The following LRMDA variants were observed in gnomAD, a reference collection of about 807,000 sequenced individuals.
The protein encoded by LRMDA is leucine rich melanocyte differentiation associated.
LRMDA carries 18 observed loss-of-function variants against 29.8 expected under a neutral mutation model. The observed-to-expected ratio is 0.60, with a 90% CI of 0.42 to 0.90. The LOEUF (loss-of-function observed/expected upper bound fraction) is 0.90, where lower values mean the gene tolerates loss of function less well. Among genes scored for constraint, LRMDA ranks in the 40% least tolerant of loss-of-function variants. The pLI, the probability that LRMDA is intolerant of heterozygous loss-of-function variation, is 0.00. For synonymous variants in LRMDA, 125 were observed against 109.4 expected, an observed-to-expected ratio of 1.14 and a Z score of -0.89; for missense variants, 273 against 273.9, an observed-to-expected ratio of 1.00 and a Z score of 0.02.
rs575526754 is a variant in LRMDA, at chr10:75,499,185, C to T, written c.131+60691C>T. Among the ~76,000 whole-genome samples, 13 of 152,286 alleles carry T rather than the reference C, an allele frequency of 8.5e-5. No individual in the cohort carries two copies. The East Asian group carries it at 9.7e-4, about 11-fold the overall frequency. ...AGGTGCTGACGCTTCTGTGTTGCAT[C>T]CCAGCTTGCTTGAGATGTGCAGTTT... On this transcript the variant is annotated intron_variant, in intron 2 of 6. Transcript: ENST00000611255.
At chr10:76,367,581 T>G (rs529064004) in intron 6 of LRMDA, among the ~76,000 whole-genome samples, 1 of 151,924 alleles carries the variant, frequency 6.6e-6, no homozygotes, top group Non-Finnish European at 1.5e-5. Flanking sequence ...TGTGCCACCA[T>G]GCCCGGCTAA....
intron 6 of LRMDA, among the ~76,000 whole-genome samples, chr10:76,433,325 A>AC (rs1440120937): frequency 1.3e-5 from 2 of 152,034 alleles, no homozygotes; most frequent in African/African-American, 2.4e-5. Flanking sequence ...CAGACACCAC[A>AC]CCCCCCAAGT....
rs1027044203 is a variant in LRMDA, at chr10:75,964,638, C to T, written c.132-71370C>T. On this transcript the variant is annotated intron_variant, in intron 2 of 6. Coordinates refer to ENST00000611255, the MANE Select transcript of LRMDA (RefSeq NM_001305581.2). ...AGATCTCTGCAGAAGGCGTTACCCCCGTACATGCACAGAGAAGGTTCTCAG... is the reference window on the plus strand; with the variant it reads ...AGATCTCTGCAGAAGGCGTTACCCCTGTACATGCACAGAGAAGGTTCTCAG... Among the ~76,000 whole-genome samples the T allele has an allele frequency of 3.9e-5, 6 of 152,188 alleles. No homozygotes were observed. In the East Asian group the frequency reaches 5.8e-4, roughly 15 times the overall value.
At chr10:76,507,363 A>G (rs779165523) in intron 6 of LRMDA, among the ~76,000 whole-genome samples, 1 of 151,704 alleles carries the variant, frequency 6.6e-6, no homozygotes, top group Non-Finnish European at 1.5e-5. Flanking sequence ...TGGCACATGT[A>G]TAATTTGCAC....
intron 5 of LRMDA, among the ~76,000 whole-genome samples, chr10:76,152,836 C>G (rs942692408): frequency 5.5e-5 from 8 of 145,758 alleles, no homozygotes; most frequent in African/African-American, 2.0e-4. Flanking sequence ...ACTGTCTATT[C>G]ACATTTTTTG....
intron 2 of LRMDA, among the ~76,000 whole-genome samples, chr10:75,694,834 C>T (rs756914547): frequency 7.9e-5 from 12 of 152,144 alleles, no homozygotes; most frequent in Non-Finnish European, 1.0e-4. Flanking sequence ...GTGTGCCAAT[C>T]GATAGTGATT....
chr10:76,311,305 A>G (rs369137179), intron 5 of LRMDA, among the ~76,000 whole-genome samples: 1 of 151,314 alleles, frequency 6.6e-6, no homozygotes, highest in Non-Finnish European at 1.5e-5. Context: ...TTCCTTGCAT[A>G]TTATTCACAC....
At chr10:75,456,495 T>G (rs1366518340) in intron 2 of LRMDA, among the ~76,000 whole-genome samples, 3 of 152,204 alleles carry the variant, frequency 2.0e-5, no homozygotes, top group Non-Finnish European at 4.4e-5. Flanking sequence ...ATTGATTCTG[T>G]GAGTGCCTTA....
chr10:75,989,831 T>C (rs1847334809), intron 2 of LRMDA, among the ~76,000 whole-genome samples: 1 of 152,224 alleles, frequency 6.6e-6, no homozygotes, highest in Admixed American at 6.5e-5. Flanking sequence ...TTATCTTTGA[T>C]ATCTGACATG....
At chr10:76,231,065 A>G (rs1055312896) in intron 5 of LRMDA, among the ~76,000 whole-genome samples, 2 of 152,206 alleles carry the variant, frequency 1.3e-5, no homozygotes, top group South Asian at 4.1e-4. Context: ...TGCAATTAAC[A>G]TATCATGGGG....
chr10:75,827,819 A>G (rs1177875777), intron 2 of LRMDA, among the ~76,000 whole-genome samples: 1 of 152,220 alleles, frequency 6.6e-6, no homozygotes, highest in Non-Finnish European at 1.5e-5. Context: ...TTTGTTTATC[A>G]TGCTGTGGCT....
intron 2 of LRMDA, among the ~76,000 whole-genome samples, chr10:75,736,961 C>T (rs184594071): frequency 1.5e-4 from 23 of 152,286 alleles, no homozygotes; most frequent in Admixed American, 5.2e-4. Context: ...ATGGGGAACA[C>T]GGCTGATTTG....
chr10:76,535,675 ATATATT>A (rs1307636520), intron 6 of LRMDA: 3 of 152,170 alleles, frequency 2.0e-5, no homozygotes, highest in Non-Finnish European at 4.4e-5. Flanking sequence ...TTAAACATAC[ATATATT>A]CTCTACCTCA....
rs112253264 is a variant in LRMDA at position 76,442,139 on chromosome 10, G to A, written c.602-115070G>A. ...TGTAAGGTTATTGCCCTGAAAATAT[G>A]TCTAGTTTGGCACACAGGGTAAATA... is the stretch of plus-strand genomic sequence containing the variant. On this transcript the variant is annotated intron_variant, in intron 6 of 6. Transcript: ENST00000611255. Among the ~76,000 whole-genome samples, 395 of 152,278 alleles carry A rather than the reference G, an allele frequency of 2.6e-3. 2 individuals are homozygous for A. The highest frequency in any genetic ancestry group is 0.01 in the Middle Eastern group (3 of 294).
At chr10:76,245,585 A>G (rs759456251) in intron 5 of LRMDA, among the ~76,000 whole-genome samples, 4 of 152,246 alleles carry the variant, frequency 2.6e-5, no homozygotes, top group Non-Finnish European at 4.4e-5. Flanking sequence ...ATTCACAGCC[A>G]TCTTATGGGG....
intron 5 of LRMDA, among the ~76,000 whole-genome samples, chr10:76,313,003 T>C (rs1840648238): frequency 2.0e-5 from 3 of 152,054 alleles, no homozygotes; most frequent in Admixed American, 6.5e-5. Context: ...GTGGCTAAGA[T>C]GGTTGTTTCT....
intron 5 of LRMDA, among the ~76,000 whole-genome samples, chr10:76,189,740 C>T (rs920223379): frequency 3.3e-5 from 5 of 152,016 alleles, no homozygotes; most frequent in African/African-American, 1.2e-4. Flanking sequence ...CTGTGGTGAC[C>T]CAGGGCCCTT....
chr10:76,112,289 T>C (rs1165811962), intron 5 of LRMDA, among the ~76,000 whole-genome samples: 1 of 152,148 alleles, frequency 6.6e-6, no homozygotes. Context: ...CCCCTCTCCC[T>C]GAGCACACTG....
intron 5 of LRMDA, among the ~76,000 whole-genome samples, chr10:76,260,475 A>AT (rs141306878): frequency 5.4e-4 from 81 of 151,310 alleles, no homozygotes; most frequent in Non-Finnish European, 7.8e-4. Context: ...CTTGGCTGAC[A>AT]TTTTTTTTTC....
Sources: gnomAD v4.1 joint callset for allele counts (sites outside exome capture counted in the v4.1 genomes callset) on GRCh38, gnomAD v4.1.1 for gene constraint, MANE v1.5 for transcripts, NCBI Gene and HGNC (gene_info 2026-07-23, HGNC 2026-07-21) for gene names.